The following ASTN2 variants were observed in gnomAD, a reference collection of about 807,000 sequenced individuals.
The protein encoded by ASTN2 is astrotactin 2.
Under a neutral mutation model 139.8 loss-of-function variants are expected in ASTN2, and 54 were observed. That is an observed-to-expected ratio of 0.39 (90% CI 0.31 to 0.48). The LOEUF (loss-of-function observed/expected upper bound fraction) is 0.48, where lower values mean the gene tolerates loss of function less well. Ranked by LOEUF, ASTN2 falls within the 20% of genes least tolerant of loss-of-function variation. The pLI is 0.95. For missense variants in ASTN2, 1,565 were observed against 1,725.1 expected, an observed-to-expected ratio of 0.91 and a Z score of 1.64; for synonymous variants, 756 against 719.5, an observed-to-expected ratio of 1.05 and a Z score of -0.81.
intron 7 of ASTN2, among the ~76,000 whole-genome samples, chr9:116,996,891 A>G (rs1837038465): frequency 6.6e-6 from 1 of 152,158 alleles, no homozygotes; most frequent in Non-Finnish European, 1.5e-5. Context: ...GAAGACCAAT[A>G]TATTTTTTAA....
intron 4 of ASTN2, among the ~76,000 whole-genome samples, chr9:117,123,914 A>G (rs1480174054): frequency 6.6e-6 from 1 of 152,202 alleles, no homozygotes; most frequent in African/African-American, 2.4e-5. Flanking sequence ...TCTCTGCGAC[A>G]TGCCTGTCTG....
chr9:116,816,988 G>A (rs554269724), intron 12 of ASTN2, among the ~76,000 whole-genome samples: 1 of 151,988 alleles, frequency 6.6e-6, no homozygotes, highest in African/African-American at 2.4e-5. Flanking sequence ...TATTTAAATA[G>A]TATCCATTTG....
intron 1 of ASTN2, among the ~76,000 whole-genome samples, chr9:117,295,019 G>A (rs896540517): frequency 1.3e-5 from 2 of 152,130 alleles, no homozygotes; most frequent in African/African-American, 2.4e-5. Flanking sequence ...TTCTACAGCA[G>A]TTATCATGAT....
intron 3 of ASTN2, among the ~76,000 whole-genome samples, chr9:117,165,662 A>G (rs1030936838): frequency 6.6e-6 from 1 of 152,112 alleles, no homozygotes; most frequent in East Asian, 1.9e-4. Flanking sequence ...CCCTTAGCCC[A>G]GCACCCAGCA....
At chr9:116,903,040 G>A (rs1033916222) in intron 10 of ASTN2, among the ~76,000 whole-genome samples, 3 of 152,148 alleles carry the variant, frequency 2.0e-5, no homozygotes, top group African/African-American at 7.2e-5. Context: ...TGCACTTGCT[G>A]TTGTTCTCTT....
At chr9:117,337,634 A>G (rs1016624963) in intron 1 of ASTN2, among the ~76,000 whole-genome samples, 1 of 152,182 alleles carries the variant, frequency 6.6e-6, no homozygotes, top group African/African-American at 2.4e-5. Flanking sequence ...TAACTTCAAT[A>G]TGTTTGAATT....
rs1837683520 is a variant in ASTN2 at position 117,016,594 on chromosome 9, A to ATT, written c.1424-8336_1424-8335insAA. Among the ~76,000 whole-genome samples, 17 of 18,494 alleles carry ATT rather than the reference A, an allele frequency of 9.2e-4. No homozygotes were observed. In the South Asian group the frequency reaches 0.025, roughly 28 times the overall value. 12.1% of individuals were successfully genotyped at this position (18,494 alleles called of 152,430 possible). Reference sequence around the variant, plus strand: ...TGGGATTTGGGGTATTCTAGGTTTTATATATATATCTATATCTATATCTAT... The same window carrying ATT: ...TGGGATTTGGGGTATTCTAGGTTTTATTTATATATATCTATATCTATATCTAT... On this transcript the variant is annotated intron_variant, in intron 6 of 22. Transcript: ENST00000313400.
intron 3 of ASTN2, among the ~76,000 whole-genome samples, chr9:117,177,417 T>G (rs938235425): frequency 1.2e-4 from 19 of 152,176 alleles, no homozygotes; most frequent in African/African-American, 4.1e-4. Flanking sequence ...CCGGTGTTAA[T>G]GTCATCAAGG....
chr9:116,975,030 A>T (rs577259594), intron 10 of ASTN2, among the ~76,000 whole-genome samples, 178 bp downstream of exon 10: 1 of 152,356 alleles, frequency 6.6e-6, no homozygotes, highest in Non-Finnish European at 1.5e-5. Flanking sequence ...AACGTAAGGC[A>T]TTGAGACACA....
intron 19 of ASTN2, among the ~76,000 whole-genome samples, chr9:116,549,829 T>C (rs1852265816): frequency 6.6e-6 from 1 of 152,146 alleles, no homozygotes; most frequent in Non-Finnish European, 1.5e-5. Flanking sequence ...AGTCTGGCCC[T>C]GTAATATCTC....
chr9:117,292,969 T>G (rs768184796), intron 1 of ASTN2, among the ~76,000 whole-genome samples: 1 of 151,950 alleles, frequency 6.6e-6, no homozygotes, highest in African/African-American at 2.4e-5. Context: ...AGGAGAAGAG[T>G]GTTTAGCACT....
chr9:117,310,345 C>G (rs548638976), intron 1 of ASTN2, among the ~76,000 whole-genome samples: 1 of 152,250 alleles, frequency 6.6e-6, no homozygotes, highest in East Asian at 1.9e-4. Flanking sequence ...TTCCTGCCTT[C>G]CAGGCCAGCA....
chr9:116,964,216 G>GTGT (rs1554765645), intron 10 of ASTN2, among the ~76,000 whole-genome samples: 1 of 140,708 alleles, frequency 7.1e-6, no homozygotes. Flanking sequence ...ACTGCCCTGG[G>GTGT]GTGTGTGTGT....
At position 116,846,465 on chromosome 9, in the gene ASTN2, G is replaced by A. The variant is rs1019671631; in HGVS notation, c.2040+17118C>T. 3.3e-5 allele frequency among the ~76,000 whole-genome samples: 5 copies of A among 152,268 alleles called. 1 individual carries two copies. Among genetic ancestry groups the A allele is most frequent in the Non-Finnish European group, 7.4e-5 (5 of 68,018 alleles). ...AAAATCTAGACCAACTGGAGGGACC[G>A]GATCAACCCCAAGAGAGAGATAAGC... is the stretch of plus-strand genomic sequence containing the variant. On this transcript the variant is annotated intron_variant, in intron 11 of 22. Coordinates refer to ENST00000313400, the MANE Select transcript of ASTN2 (RefSeq NM_001365068.1).
intron 22 of ASTN2, among the ~76,000 whole-genome samples, chr9:116,429,101 G>T (rs1342127930): frequency 6.6e-6 from 1 of 152,112 alleles, no homozygotes; most frequent in African/African-American, 2.4e-5. Context: ...AACTTTGGGA[G>T]GCTGAGATGG....
intron 19 of ASTN2, among the ~76,000 whole-genome samples, chr9:116,609,848 T>A (rs1401486223): frequency 1.3e-5 from 2 of 152,278 alleles, no homozygotes; most frequent in East Asian, 3.9e-4. Flanking sequence ...TATACTATTA[T>A]AAGATTCCTA....
chr9:117,270,202 T>G (rs1384114581), intron 2 of ASTN2, among the ~76,000 whole-genome samples: 1 of 152,230 alleles, frequency 6.6e-6, no homozygotes, highest in East Asian at 1.9e-4. Flanking sequence ...CATGAGATCA[T>G]GAGATATACT....
intron 5 of ASTN2, among the ~76,000 whole-genome samples, chr9:117,082,666 G>C (rs1249548125): frequency 2.0e-5 from 3 of 152,214 alleles, no homozygotes; most frequent in Admixed American, 6.5e-5. Context: ...AGCTGGGCAT[G>C]GTGGCACATG....
chr9:117,000,596 A>G (rs780384001), intron 7 of ASTN2, among the ~76,000 whole-genome samples: 11 of 152,190 alleles, frequency 7.2e-5, no homozygotes, highest in Non-Finnish European at 1.5e-4. Context: ...ATTTTACTGG[A>G]CCAGAGCAAG....
Sources: allele counts gnomAD v4.1 joint callset (sites outside exome capture counted in the v4.1 genomes callset), GRCh38; gene constraint gnomAD v4.1.1; transcripts MANE v1.5; gene names NCBI Gene and HGNC (gene_info 2026-07-23, HGNC 2026-07-21).